The following NCEH1 variants were observed in gnomAD, a reference collection of about 807,000 sequenced individuals.
NCEH1 encodes 2-acetyl MAGE hydrolase.
A neutral mutation model predicts 25.4 loss-of-function variants in NCEH1; 9 were observed. That is an observed-to-expected ratio of 0.35 (90% CI 0.21 to 0.62). The LOEUF is 0.62. Among genes scored for constraint, NCEH1 ranks in the 20% least tolerant of loss-of-function variants. The pLI, the probability that NCEH1 is intolerant of heterozygous loss-of-function variation, is 0.72. For missense variants in NCEH1, 412 were observed against 501.1 expected, an observed-to-expected ratio of 0.82 and a Z score of 1.70; for synonymous variants, 200 against 199.8, an observed-to-expected ratio of 1.00 and a Z score of -0.01.
chr3:172,697,970 ATTTT>A (rs386398562), intron 1 of NCEH1, among the ~76,000 whole-genome samples: 2 of 101,092 alleles, frequency 2.0e-5, no homozygotes, highest in African/African-American at 8.2e-5. Flanking sequence ...TAAAAGCAGA[ATTTT>A]TTTTTTTTTT....
chr3:172,647,472 T>C (rs1717172623), intron 2 of NCEH1, among the ~76,000 whole-genome samples: 1 of 152,242 alleles, frequency 6.6e-6, no homozygotes, highest in South Asian at 2.1e-4. Context: ...GAAATATATC[T>C]TCAAAACACA....
chr3:172,686,499 T>TC (rs1441492063), intron 1 of NCEH1, among the ~76,000 whole-genome samples: 1 of 152,202 alleles, frequency 6.6e-6, no homozygotes, highest in Non-Finnish European at 1.5e-5. Context: ...TGATCTTACG[T>TC]CCAATTGTAT....
At chr3:172,637,221 C>G (rs1006263097) in intron 3 of NCEH1, among the ~76,000 whole-genome samples, 12 of 152,120 alleles carry the variant, frequency 7.9e-5, no homozygotes, top group African/African-American at 2.2e-4. Context: ...TGAGTATTAA[C>G]ATACCTTCAT....
chr3:172,666,864 G>A (rs1039598912), intron 1 of NCEH1, among the ~76,000 whole-genome samples: 2 of 152,148 alleles, frequency 1.3e-5, no homozygotes, highest in African/African-American at 4.8e-5. Context: ...GGCAAGATCA[G>A]GAAATGCTGT....
At chr3:172,650,419 G>A (rs927689107) in intron 1 of NCEH1, among the ~76,000 whole-genome samples, 2 of 151,944 alleles carry the variant, frequency 1.3e-5, no homozygotes, top group Non-Finnish European at 2.9e-5. Context: ...CAAGATGGGC[G>A]GATCATGAGG....
intron 3 of NCEH1, among the ~76,000 whole-genome samples, chr3:172,644,836 T>C (rs57995572): frequency 0.015 from 2,354 of 152,270 alleles, 52 homozygotes; most frequent in African/African-American, 0.053. Context: ...TATTTCCACT[T>C]ATTACAATAA....
chr3:172,633,365 G>C lies in NCEH1; in HGVS notation c.*110C>G. 9.7e-7 allele frequency: 1 copy of C among 1,026,622 alleles called. No homozygotes were observed. The highest frequency in any genetic ancestry group is 2.4e-5 in the Admixed American group (1 of 41,294). The allele number at this position is 1,026,622 out of a possible 1,614,324, so 63.6% of individuals were successfully genotyped here. On this transcript the variant is annotated 3_prime_UTR_variant, in exon 5 of 5. Coordinates refer to ENST00000475381, the MANE Select transcript of NCEH1 (RefSeq NM_020792.6). ...TTATGGAATAGAAATTCCATAACTC[G>C]CAAGTAGAGGGGAATGGGAGGAAGA... is the stretch of plus-strand genomic sequence containing the variant.
intron 1 of NCEH1, among the ~76,000 whole-genome samples, chr3:172,671,534 T>TAC (rs1403848231): frequency 8.4e-6 from 1 of 119,022 alleles, no homozygotes; most frequent in African/African-American, 3.5e-5. Context: ...CACACATATA[T>TAC]AGATATATAT....
intron 1 of NCEH1, among the ~76,000 whole-genome samples, chr3:172,685,176 C>T (rs1712628993): frequency 6.6e-6 from 1 of 151,698 alleles, no homozygotes; most frequent in Admixed American, 6.6e-5. Flanking sequence ...TGCCTGTGGT[C>T]CCAGCTACTT....
chr3:172,653,674 A>G (rs1717519099), intron 1 of NCEH1, among the ~76,000 whole-genome samples: 1 of 151,948 alleles, frequency 6.6e-6, no homozygotes, highest in Admixed American at 6.6e-5. Context: ...AACAAGGAAA[A>G]GGGCTGGAAC....
intron 1 of NCEH1, among the ~76,000 whole-genome samples, chr3:172,694,347 AAT>A (rs771278302): frequency 1.1e-4 from 17 of 151,800 alleles, no homozygotes; most frequent in Admixed American, 5.9e-4. Context: ...AACTGACATT[AAT>A]TTAGTTATTT....
chr3:172,661,971 C>A (rs1471574662), intron 1 of NCEH1, among the ~76,000 whole-genome samples: 1 of 152,138 alleles, frequency 6.6e-6, no homozygotes, highest in Non-Finnish European at 1.5e-5. Flanking sequence ...CTTTCTCATG[C>A]CTGATTGCCC....
At chr3:172,686,043 G>A (rs759034113) in intron 1 of NCEH1, among the ~76,000 whole-genome samples, 3 of 152,124 alleles carry the variant, frequency 2.0e-5, no homozygotes, top group Admixed American at 6.6e-5. Context: ...TCTCCTCTCA[G>A]AGATTCACAA....
chr3:172,648,101 T>G lies in NCEH1; in HGVS notation c.152A>C (p.His51Pro). The change falls in exon 2 of 5, where the codon CAC (histidine) becomes CCC (proline). Residue 51 changes from histidine to proline, a missense_variant. Transcript: ENST00000475381. ...RGAQQVSNLIHYLGLSHHLLA... is the reference protein window; with the variant it reads ...RGAQQVSNLIPYLGLSHHLLA... ...CAGGTGATGGCTCAGTCCCAGGTAG[T>G]GGATCAGGTTACTCTGCAGGGCGAG... 1 of 1,614,094 alleles carries G rather than the reference T, an allele frequency of 6.2e-7. No individual in the cohort carries two copies. Among genetic ancestry groups the G allele is most frequent in the South Asian group, 1.1e-5 (1 of 91,080 alleles).
chr3:172,655,086 A>G lies in NCEH1; in HGVS notation c.139-6972T>C, dbSNP rs76710460. 3.0e-4 allele frequency among the ~76,000 whole-genome samples: 46 copies of G among 152,320 alleles called. No individual in the cohort carries two copies. The East Asian group carries it at 7.7e-3, about 26-fold the overall frequency. ...GAGGTGAATTGAGTTTTAATGAAGT[A>G]AAGATTCAGATTCACTCAAGTAACC... is the stretch of plus-strand genomic sequence containing the variant. On this transcript the variant is annotated intron_variant, in intron 1 of 4. Transcript: ENST00000475381.
intron 1 of NCEH1, among the ~76,000 whole-genome samples, chr3:172,664,161 C>T (rs1434936835): frequency 6.6e-6 from 1 of 152,094 alleles, no homozygotes; most frequent in East Asian, 1.9e-4. Flanking sequence ...CTACTGGTGA[C>T]AAAAATCTCT....
chr3:172,668,824 TC>T (rs1560193932), intron 1 of NCEH1, among the ~76,000 whole-genome samples: 1 of 152,048 alleles, frequency 6.6e-6, no homozygotes, highest in African/African-American at 2.4e-5. Context: ...ATATATATTT[TC>T]CCCCCAGAAG....
intron 1 of NCEH1, among the ~76,000 whole-genome samples, chr3:172,709,324 G>T (rs1244091823): frequency 6.6e-6 from 1 of 152,214 alleles, no homozygotes; most frequent in African/African-American, 2.4e-5. Context: ...TTAAGTTATT[G>T]TAGTAGACCA....
chr3:172,690,017 C>T (rs1043751627), intron 1 of NCEH1, among the ~76,000 whole-genome samples: 29 of 151,414 alleles, frequency 1.9e-4, no homozygotes, highest in Non-Finnish European at 3.4e-4. Context: ...CATTCTCCTG[C>T]CTCAGCCTCC....
Sources: allele counts gnomAD v4.1 joint callset (sites outside exome capture counted in the v4.1 genomes callset), GRCh38; gene constraint gnomAD v4.1.1; transcripts MANE v1.5; gene names NCBI Gene and HGNC (gene_info 2026-07-23, HGNC 2026-07-21).